FAT3: variants seen among roughly 807,000 people sequenced by gnomAD.
FAT3 encodes the protein protocadherin Fat 3.
In FAT3, 95 loss-of-function variants were observed where a neutral mutation model predicts 310.2. The ratio of observed to expected loss-of-function variants is 0.31; its 90% confidence interval spans 0.26 to 0.36. The LOEUF (loss-of-function observed/expected upper bound fraction) is 0.36, where lower values mean the gene tolerates loss of function less well. Among genes scored for constraint, FAT3 ranks in the 10% least tolerant of loss-of-function variants. The pLI is 1.00. For synonymous variants in FAT3, 2,314 were observed against 2,192.9 expected, an observed-to-expected ratio of 1.06 and a Z score of -1.54; for missense variants, 5,408 against 5,715.6, an observed-to-expected ratio of 0.95 and a Z score of 1.74.
chr11:92,773,190 G>T (rs1301858542), intron 6 of FAT3, among the ~76,000 whole-genome samples: 2 of 152,106 alleles, frequency 1.3e-5, no homozygotes, highest in South Asian at 2.1e-4. Flanking sequence ...CCACACTTTG[G>T]TTCCCAGAGG....
intron 2 of FAT3, among the ~76,000 whole-genome samples, chr11:92,491,915 C>CCA (rs915335945): frequency 2.8e-4 from 43 of 152,004 alleles, no homozygotes; most frequent in Non-Finnish European, 7.4e-5. Flanking sequence ...AGGTGATGTA[C>CCA]CACCCTGAGC....
chr11:92,747,184 GC>G (rs144856322), intron 4 of FAT3, among the ~76,000 whole-genome samples: 5,529 of 152,278 alleles, frequency 0.036, 237 homozygotes, highest in East Asian at 0.21. Context: ...GCAAACTTCT[GC>G]CTGGACATCC....
intron 3 of FAT3, among the ~76,000 whole-genome samples, chr11:92,681,556 G>A (rs967425311): frequency 6.6e-6 from 1 of 152,198 alleles, no homozygotes. Flanking sequence ...TATTTGAGGT[G>A]TAAAGACTTT....
rs1950030952 is a variant in FAT3, at chr11:92,896,289, T to A, written c.*5176T>A. ...ATATATTGCTGGTGGCAGTATTCAG[T>A]CTTGTGTTCTTTTTCTAAAAAAAAA... On this transcript the variant is annotated 3_prime_UTR_variant, in exon 28 of 28. Coordinates refer to ENST00000525166, the MANE Select transcript of FAT3 (RefSeq NM_001367949.2). 1 of 149,190 alleles carries A rather than the reference T, an allele frequency of 6.7e-6. No homozygotes were observed. 9.2% of individuals were successfully genotyped at this position (149,190 alleles called of 1,614,324 possible).
intron 4 of FAT3, among the ~76,000 whole-genome samples, chr11:92,713,152 T>G (rs573832799): frequency 6.6e-6 from 1 of 152,324 alleles, no homozygotes; most frequent in East Asian, 1.9e-4. Context: ...CCAGGGATCT[T>G]AGAAATCATA....
chr11:92,445,930 C>T (rs1278561074), intron 2 of FAT3, among the ~76,000 whole-genome samples: 2 of 152,098 alleles, frequency 1.3e-5, no homozygotes, highest in African/African-American at 2.4e-5. Context: ...TTTCTAAAAC[C>T]TGCTGTTAGA....
At chr11:92,230,683 T>G (rs1251475158) in intron 1 of FAT3, among the ~76,000 whole-genome samples, 1 of 152,202 alleles carries the variant, frequency 6.6e-6, no homozygotes, top group Non-Finnish European at 1.5e-5. Context: ...TGGGCAAGAT[T>G]CAAAGAATAG....
intron 11 of FAT3, among the ~76,000 whole-genome samples, chr11:92,805,840 C>T (rs953210448): frequency 1.3e-5 from 2 of 152,156 alleles, no homozygotes; most frequent in South Asian, 2.1e-4. Context: ...ATTTTATTTT[C>T]TCTCATACTG....
At chr11:92,642,638 T>C (rs1025006524) in intron 3 of FAT3, among the ~76,000 whole-genome samples, 6 of 152,240 alleles carry the variant, frequency 3.9e-5, no homozygotes, top group Non-Finnish European at 7.3e-5. Flanking sequence ...TAGTGATGCA[T>C]TACTGCCCAT....
intron 1 of FAT3, among the ~76,000 whole-genome samples, chr11:92,295,893 C>T (rs1946834982): frequency 6.6e-6 from 1 of 152,084 alleles, no homozygotes. Flanking sequence ...GGATGGGACC[C>T]AGACATCAGA....
rs994542296 is a variant in FAT3 at position 92,309,255 on chromosome 11, A to G, written c.-17-42841A>G. ...TCCTGTCCTCATTGTTCTAATGCTC[A>G]TTCCATATGTGGGTCACATCCTAGA... On this transcript the variant is annotated intron_variant, in intron 1 of 27. Coordinates refer to ENST00000525166, the MANE Select transcript of FAT3 (RefSeq NM_001367949.2). Among the ~76,000 whole-genome samples, 7 of 142,328 alleles carry G rather than the reference A, an allele frequency of 4.9e-5. No homozygotes were observed. The Admixed American group carries it at 5.5e-4, about 11-fold the overall frequency. 93.4% of individuals were successfully genotyped at this position (142,328 alleles called of 152,430 possible). A position where few individuals can be genotyped will look rare whatever the true frequency, so the allele number is the denominator to read the frequency against.
chr11:92,613,001 G>A (rs1940637236), intron 3 of FAT3, among the ~76,000 whole-genome samples: 1 of 152,162 alleles, frequency 6.6e-6, no homozygotes, highest in Non-Finnish European at 1.5e-5. Flanking sequence ...TAATAGGTAG[G>A]ACGGGATCGT....
At chr11:92,511,924 T>A (rs935511666) in intron 2 of FAT3, among the ~76,000 whole-genome samples, 4 of 152,154 alleles carry the variant, frequency 2.6e-5, no homozygotes, top group Non-Finnish European at 5.9e-5. Flanking sequence ...ATCATTGAAT[T>A]TCCTATTACC....
intron 3 of FAT3, among the ~76,000 whole-genome samples, chr11:92,594,997 ATGTGTGTG>A (rs56275316): frequency 2.7e-4 from 40 of 149,342 alleles, no homozygotes; most frequent in African/African-American, 9.3e-4. Flanking sequence ...TCATGAATAA[ATGTGTGTG>A]TGTGTGTGTG....
chr11:92,490,702 A>G (rs149717239), intron 2 of FAT3, among the ~76,000 whole-genome samples: 115 of 152,254 alleles, frequency 7.6e-4, no homozygotes, highest in African/African-American at 2.6e-3. Context: ...GAGTTTTAAA[A>G]AATTAGACAG....
chr11:92,720,927 G>A (rs924091539), intron 4 of FAT3, among the ~76,000 whole-genome samples: 3 of 152,116 alleles, frequency 2.0e-5, no homozygotes, highest in Non-Finnish European at 2.9e-5. Flanking sequence ...AAATGTTATA[G>A]CATTCATTTC....
intron 3 of FAT3, among the ~76,000 whole-genome samples, chr11:92,631,357 A>G (rs1161859883): frequency 6.6e-6 from 1 of 152,038 alleles, no homozygotes; most frequent in Non-Finnish European, 1.5e-5. Context: ...ATGGAGGGTG[A>G]TATGGTTTGG....
At chr11:92,887,212 A>C in intron 25 of FAT3, 99 bp downstream of exon 25, 26 of 1,015,834 alleles carry the variant, frequency 2.6e-5, no homozygotes, top group Non-Finnish European at 3.6e-5. Context: ...TTTGTTTCTC[A>C]ACCTGTTCAT....
At chr11:92,374,028 AGG>A (rs1029814188) in intron 2 of FAT3, among the ~76,000 whole-genome samples, 2 of 123,424 alleles carry the variant, frequency 1.6e-5, no homozygotes, top group African/African-American at 3.9e-5. Context: ...AGACAGAGAG[AGG>A]GAGAGAGAGA....
Sources: allele counts gnomAD v4.1 joint callset (sites outside exome capture counted in the v4.1 genomes callset), GRCh38; gene constraint gnomAD v4.1.1; transcripts MANE v1.5; gene names NCBI Gene and HGNC (gene_info 2026-07-23, HGNC 2026-07-21).